SAMD5: variants seen among roughly 807,000 people sequenced by gnomAD.
SAMD5 encodes sterile alpha motif domain containing 5.
A neutral mutation model predicts 11.3 loss-of-function variants in SAMD5; 13 were observed. That is an observed-to-expected ratio of 1.15 (90% confidence interval 0.75 to 1.83). The LOEUF (loss-of-function observed/expected upper bound fraction) is 1.83, where lower values mean the gene tolerates loss of function less well. Ranked by LOEUF, SAMD5 falls within the 40% of genes most tolerant of loss-of-function variation. The pLI, the probability that SAMD5 is intolerant of heterozygous loss-of-function variation, is 0.00. For synonymous variants in SAMD5, 129 were observed against 111.3 expected (o/e 1.16, Z -1.00); for missense variants, 255 against 239.1 (o/e 1.07, Z -0.44).
At chr6:147,877,918 G>GATAA in the SAMD5 span, among the ~76,000 whole-genome samples, 25 of 7,762 alleles carry the variant, frequency 3.2e-3, no homozygotes, top group Non-Finnish European at 1.6e-3. Flanking sequence ...TAGCTAGCTA[G>GATAA]CTAGCTAGAT....
chr6:147,804,300 C>T, the SAMD5 span, among the ~76,000 whole-genome samples: 1 of 151,578 alleles, frequency 6.6e-6, no homozygotes, highest in African/African-American at 2.4e-5. Context: ...TTAGTAGAGA[C>T]GGGGTTTCAC....
the SAMD5 span, among the ~76,000 whole-genome samples, chr6:147,831,435 C>T: frequency 6.6e-6 from 1 of 152,166 alleles, no homozygotes; most frequent in Non-Finnish European, 1.5e-5. Context: ...CTCTTTTTCT[C>T]CCAACATAAC....
In SAMD5 at chr6:147,568,580, G is replaced by A. The variant is rs554140134; in HGVS notation, c.*4124G>A. The A allele has an allele frequency of 1.0e-6, 1 of 985,340 alleles. No individual in the cohort carries two copies. Among genetic ancestry groups the A allele is most frequent in the Admixed American group, 6.1e-5 (1 of 16,268 alleles). 61.0% of individuals were successfully genotyped at this position (985,340 alleles called of 1,614,324 possible). A position where few individuals can be genotyped will look rare whatever the true frequency, so the allele number is the denominator to read the frequency against. ...TTCTCAGACCAAGTACAAAGTATTA[G>A]GAATTTTTTATATCAGCTGACATCT... On this transcript the variant is annotated 3_prime_UTR_variant, in exon 2 of 2. Transcript: ENST00000367474.
intron 1 of SAMD5, among the ~76,000 whole-genome samples, chr6:147,542,472 C>T (rs184474689): frequency 1.5e-3 from 229 of 152,318 alleles, no homozygotes; most frequent in African/African-American, 5.3e-3. Context: ...TTACTCCAAT[C>T]AGTCTCCCTG....
chr6:147,853,514 T>C, the SAMD5 span, among the ~76,000 whole-genome samples: 1 of 152,136 alleles, frequency 6.6e-6, no homozygotes, highest in Non-Finnish European at 1.5e-5. Flanking sequence ...GCGAATAGTA[T>C]ATTTTCAAAG....
chr6:147,654,678 A>G (rs1034591749), intron 1 of SAMD5, among the ~76,000 whole-genome samples: 1 of 151,948 alleles, frequency 6.6e-6, no homozygotes. Flanking sequence ...GTGAGTAAGC[A>G]GTGAGCTCCA....
chr6:147,835,650 T>C, the SAMD5 span, among the ~76,000 whole-genome samples: 1 of 152,152 alleles, frequency 6.6e-6, no homozygotes. Context: ...CCCCCTCTTC[T>C]GCCCCATATC....
At chr6:147,800,490 T>C in the SAMD5 span, among the ~76,000 whole-genome samples, 1 of 152,180 alleles carries the variant, frequency 6.6e-6, no homozygotes. Context: ...GACAGGGACA[T>C]TTAAGTCTGC....
the SAMD5 span, among the ~76,000 whole-genome samples, chr6:147,913,861 G>A: frequency 6.6e-6 from 1 of 152,226 alleles, no homozygotes; most frequent in South Asian, 2.1e-4. Context: ...GTATGTATGT[G>A]TAAGCAAGTG....
the SAMD5 span, among the ~76,000 whole-genome samples, chr6:147,907,199 A>C: frequency 6.6e-6 from 1 of 152,152 alleles, no homozygotes; most frequent in African/African-American, 2.4e-5. Flanking sequence ...TTTCCCACTT[A>C]AGATCCCGGG....
intron 1 of SAMD5, among the ~76,000 whole-genome samples, chr6:147,662,445 G>A (rs913908001): frequency 6.6e-6 from 1 of 152,182 alleles, no homozygotes; most frequent in Admixed American, 6.5e-5. Flanking sequence ...TCTTAGAAAT[G>A]AAGAAAAATG....
chr6:147,774,278 C>A, the SAMD5 span, among the ~76,000 whole-genome samples: 1 of 152,226 alleles, frequency 6.6e-6, no homozygotes, highest in South Asian at 2.1e-4. Context: ...TGAGGAGGGA[C>A]ATAAACATTT....
At chr6:147,622,706 G>A (rs1222165095) in intron 1 of SAMD5, among the ~76,000 whole-genome samples, 1 of 152,188 alleles carries the variant, frequency 6.6e-6, no homozygotes, top group Admixed American at 6.6e-5. Context: ...CTCTGGTTCA[G>A]GAGACTGACT....
intron 1 of SAMD5, among the ~76,000 whole-genome samples, chr6:147,529,297 T>C (rs762658902): frequency 2.0e-5 from 3 of 152,216 alleles, no homozygotes; most frequent in African/African-American, 7.2e-5. Flanking sequence ...ATATTATAAA[T>C]ATTGTTCTTC....
chr6:147,843,863 G>C, the SAMD5 span, among the ~76,000 whole-genome samples: 1 of 152,112 alleles, frequency 6.6e-6, no homozygotes, highest in Non-Finnish European at 1.5e-5. Flanking sequence ...TAAAGACTTA[G>C]ATGTAAGACA....
At chr6:147,603,974 T>C (rs963962314) in intron 1 of SAMD5, among the ~76,000 whole-genome samples, 2 of 152,198 alleles carry the variant, frequency 1.3e-5, no homozygotes, top group African/African-American at 4.8e-5. Flanking sequence ...TCTTAGCTTA[T>C]GAGGTGGCAT....
the SAMD5 span, among the ~76,000 whole-genome samples, chr6:147,872,585 A>T: frequency 6.6e-6 from 1 of 152,194 alleles, no homozygotes; most frequent in African/African-American, 2.4e-5. Context: ...GGAGGCAAGA[A>T]GCTGGATTTG....
intron 1 of SAMD5, among the ~76,000 whole-genome samples, chr6:147,709,919 C>T (rs1477860353): frequency 6.6e-6 from 1 of 152,106 alleles, no homozygotes; most frequent in East Asian, 1.9e-4. Context: ...TGTGTCTTGC[C>T]GCTTCTGCCT....
downstream of SAMD5, among the ~76,000 whole-genome samples, chr6:147,570,472 G>C (rs1032551801): frequency 1.3e-5 from 2 of 152,160 alleles, no homozygotes; most frequent in Non-Finnish European, 2.9e-5. Context: ...ATTAGACGCA[G>C]AGTGCTGGAT....
Sources: gnomAD v4.1 joint callset for allele counts (sites outside exome capture counted in the v4.1 genomes callset) on GRCh38, gnomAD v4.1.1 for gene constraint, MANE v1.5 for transcripts, NCBI Gene and HGNC (gene_info 2026-07-23, HGNC 2026-07-21) for gene names.